Variants in PSG3 observed in about 807,000 individuals in gnomAD.
PSG3 encodes the protein pregnancy specific beta-1-glycoprotein 3.
Under a neutral mutation model 47.5 loss-of-function variants are expected in PSG3, and 61 were observed. That is an observed-to-expected ratio of 1.28 (90% CI 1.05 to 1.59). PSG3 has a LOEUF of 1.59. Among genes scored for constraint, PSG3 ranks in the 40% most tolerant of loss-of-function variants. PSG3 has a pLI of 0.00. For synonymous variants in PSG3, 263 were observed against 198.4 expected (o/e 1.33, Z -2.74); for missense variants, 756 against 524.0 (o/e 1.44, Z -4.32).
intron 3 of PSG3, chr19:42,732,557 C>G (rs141292550): frequency 6.5e-6 from 7 of 1,084,988 alleles, no homozygotes; most frequent in African/African-American, 1.6e-5. Flanking sequence ...TTGCCCATCA[C>G]AAGCTGTGGA....
intron 5 of PSG3, among the ~76,000 whole-genome samples, chr19:42,728,540 G>A (rs919940293): frequency 1.3e-5 from 2 of 152,166 alleles, no homozygotes; most frequent in East Asian, 1.9e-4. Context: ...CTGGCAACTC[G>A]ATTTAGCCAA....
Position 42,721,884 on chromosome 19 carries a change from G to T in PSG3, c.*247C>A, listed in dbSNP as rs75040189. 26,047 of 414,886 alleles carry T rather than the reference G, an allele frequency of 0.063. 993 individuals carry two copies. Among genetic ancestry groups the T allele is most frequent in the Middle Eastern group, 0.15 (480 of 3,184 alleles). The allele number at this position is 414,886 out of a possible 1,614,324, so 25.7% of individuals were successfully genotyped here. ...TGACTATTTAGTCCAATAAAATTGG[G>T]TTTTTTTCTTTGTCTTGAATTTCAT... is the stretch of plus-strand genomic sequence containing the variant. On this transcript the variant is annotated 3_prime_UTR_variant, in exon 7 of 7. Transcript: ENST00000327495.
intron 5 of PSG3, among the ~76,000 whole-genome samples, chr19:42,725,012 G>A (rs190093783): frequency 2.3e-4 from 35 of 152,160 alleles, no homozygotes; most frequent in African/African-American, 7.9e-4. Context: ...CCATTTTGCC[G>A]ATGAAAAGAC....
At chr19:42,730,835 C>A (rs978928390) in intron 3 of PSG3, among the ~76,000 whole-genome samples, 2 of 152,160 alleles carry the variant, frequency 1.3e-5, no homozygotes, top group Non-Finnish European at 2.9e-5. Context: ...CAGGTGAGGA[C>A]CATGTGGATC....
At chr19:42,729,425 G>C in intron 4 of PSG3, 48 bp from the exon 5 acceptor site, 1 of 1,577,050 alleles carries the variant, frequency 6.3e-7, no homozygotes, top group Non-Finnish European at 8.6e-7. Context: ...CGAGGGAAGG[G>C]GATGCTCCTG....
At chr19:42,737,265 G>T (rs1969580161) in intron 2 of PSG3, among the ~76,000 whole-genome samples, 1 of 152,194 alleles carries the variant, frequency 6.6e-6, no homozygotes, top group Non-Finnish European at 1.5e-5. Flanking sequence ...CAAGGGACAG[G>T]TGTGGCTAGA....
chr19:42,722,489 T>C (rs754673583), intron 6 of PSG3, among the ~76,000 whole-genome samples: 6 of 152,094 alleles, frequency 3.9e-5, no homozygotes, highest in Non-Finnish European at 5.9e-5. Flanking sequence ...CTCCTGACCT[T>C]GTGATCCGCC....
intron 6 of PSG3, among the ~76,000 whole-genome samples, chr19:42,723,144 A>G (rs567580578): frequency 6.6e-6 from 1 of 152,280 alleles, no homozygotes; most frequent in African/African-American, 2.4e-5. Context: ...TCTTTTTTAA[A>G]CACATGAACT....
intron 6 of PSG3, among the ~76,000 whole-genome samples, chr19:42,722,459 T>A (rs571889570): frequency 9.2e-5 from 14 of 152,320 alleles, no homozygotes; most frequent in African/African-American, 3.4e-4. Flanking sequence ...TTTCACCGTG[T>A]TAGCCAGGAT....
intron 2 of PSG3, among the ~76,000 whole-genome samples, chr19:42,735,137 C>G (rs1458885008): frequency 2.0e-5 from 3 of 152,200 alleles, no homozygotes; most frequent in African/African-American, 4.8e-5. Flanking sequence ...TTACGTGTAT[C>G]TTATAGCCTT....
intron 5 of PSG3, among the ~76,000 whole-genome samples, chr19:42,726,817 A>G (rs537690912): frequency 4.6e-5 from 7 of 152,338 alleles, no homozygotes; most frequent in Admixed American, 4.6e-4. Context: ...TCATGACTCT[A>G]AATAGACACA....
chr19:42,739,442 G>T (rs1413196648), intron 1 of PSG3: 11 of 255,302 alleles, frequency 4.3e-5, no homozygotes, highest in Admixed American at 1.5e-4. Context: ...CTCCTTCAGA[G>T]ACCCTGGGTC....
At chr19:42,729,428 T>G (rs1370952620) in intron 4 of PSG3, 51 bp from the exon 5 acceptor site, 5 of 1,576,892 alleles carry the variant, frequency 3.2e-6, no homozygotes, top group Non-Finnish European at 4.3e-6. Flanking sequence ...GGGAAGGGGA[T>G]GCTCCTGGTC....
intron 5 of PSG3, among the ~76,000 whole-genome samples, chr19:42,726,090 A>G (rs1043985678): frequency 6.6e-6 from 1 of 152,136 alleles, no homozygotes; most frequent in African/African-American, 2.4e-5. Flanking sequence ...AAAACATTTG[A>G]TGAAATTCAA....
intron 3 of PSG3, chr19:42,732,414 T>C (rs965594022): frequency 4.8e-5 from 19 of 399,008 alleles, no homozygotes; most frequent in African/African-American, 1.8e-4. Flanking sequence ...TCATAGGTGG[T>C]ATTGTCAGAG....
At chr19:42,736,794 T>C (rs1289341491) in intron 2 of PSG3, among the ~76,000 whole-genome samples, 1 of 152,108 alleles carries the variant, frequency 6.6e-6, no homozygotes, top group East Asian at 1.9e-4. Context: ...TGGAAACTCA[T>C]TCTCTTAGTG....
intron 6 of PSG3, among the ~76,000 whole-genome samples, chr19:42,723,681 G>T (rs867906219): frequency 2.6e-5 from 4 of 152,226 alleles, no homozygotes; most frequent in African/African-American, 9.6e-5. Flanking sequence ...GTTTCACCAT[G>T]TGAAATTGTG....
chr19:42,732,349 G>T (rs548345806), intron 3 of PSG3: 2 of 276,116 alleles, frequency 7.2e-6, no homozygotes, highest in East Asian at 1.6e-4. Context: ...GGTAATAGGT[G>T]TATGAGGAGG....
chr19:42,738,015 T>C (rs1969595089), intron 2 of PSG3, among the ~76,000 whole-genome samples: 2 of 152,362 alleles, frequency 1.3e-5, no homozygotes, highest in African/African-American at 4.8e-5. Flanking sequence ...CTACCTGGTA[T>C]ATCTTCTCTC....
Sources: allele counts gnomAD v4.1 joint callset (sites outside exome capture counted in the v4.1 genomes callset), GRCh38; gene constraint gnomAD v4.1.1; transcripts MANE v1.5; gene names NCBI Gene and HGNC (gene_info 2026-07-23, HGNC 2026-07-21).